Variants in PTPRD observed in about 807,000 individuals in gnomAD.
The protein encoded by PTPRD is protein tyrosine phosphatase receptor type D, also known as receptor-type tyrosine-protein phosphatase delta.
Under a neutral mutation model 214.5 loss-of-function variants are expected in PTPRD, and 34 were observed. The observed-to-expected ratio is 0.16, with a 90% CI of 0.12 to 0.21. The LOEUF is 0.21. PTPRD is among the 10% of genes least tolerant of loss of function. The pLI, the probability that PTPRD is intolerant of heterozygous loss-of-function variation, is 1.00. For missense variants in PTPRD, 2,545 were observed against 2,398.7 expected (o/e 1.06, Z -1.27); for synonymous variants, 1,128 against 845.7 (o/e 1.33, Z -5.79).
At chr9:10,029,675 T>A (rs188676217) in intron 4 of PTPRD, among the ~76,000 whole-genome samples, 4 of 152,204 alleles carry the variant, frequency 2.6e-5, no homozygotes, top group African/African-American at 9.6e-5. Context: ...ACCTAGGAAG[T>A]AACTAATTTG....
intron 3 of PTPRD, among the ~76,000 whole-genome samples, chr9:10,125,807 A>G (rs1002269751): frequency 2.0e-5 from 3 of 152,086 alleles, no homozygotes; most frequent in African/African-American, 7.2e-5. Flanking sequence ...TTTTAGTAAA[A>G]CTATAAGTTA....
intron 11 of PTPRD, among the ~76,000 whole-genome samples, chr9:8,867,042 T>A (rs2098210963): frequency 6.6e-6 from 1 of 152,184 alleles, no homozygotes; most frequent in African/African-American, 2.4e-5. Flanking sequence ...CTTTATTTAA[T>A]CACATCTTGC....
At chr9:9,348,343 T>G (rs541600183) in intron 9 of PTPRD, among the ~76,000 whole-genome samples, 1 of 152,260 alleles carries the variant, frequency 6.6e-6, no homozygotes, top group South Asian at 2.1e-4. Context: ...AACAAATGTC[T>G]TGGCTTTCCT....
At chr9:8,990,924 G>C (rs766916405) in intron 11 of PTPRD, among the ~76,000 whole-genome samples, 1 of 151,908 alleles carries the variant, frequency 6.6e-6, no homozygotes, top group Non-Finnish European at 1.5e-5. Flanking sequence ...GCATAAAAAC[G>C]GATTGATAGG....
chr9:9,596,610 A>T (rs1057328950), intron 7 of PTPRD, among the ~76,000 whole-genome samples: 4 of 152,002 alleles, frequency 2.6e-5, no homozygotes, highest in Non-Finnish European at 5.9e-5. Flanking sequence ...TCTCCTTTCA[A>T]ATGATACAGT....
In PTPRD at chr9:9,866,724, G is replaced by T. The variant is rs187862125; in HGVS notation, c.-368+71783C>A. On this transcript the variant is annotated intron_variant, in intron 5 of 45. Transcript: ENST00000381196. ...AGATAATTGTGAATACGCCCTTGTG[G>T]AAAACATCTTTTATATTTTATGACT... Among the ~76,000 whole-genome samples, 25 of 152,114 alleles carry T rather than the reference G, an allele frequency of 1.6e-4. No homozygotes were observed. In the East Asian group the frequency reaches 3.7e-3, roughly 22 times the overall value.
chr9:9,733,880 T>C lies in PTPRD; in HGVS notation c.-287+653A>G, dbSNP rs565641498. On this transcript the variant is annotated intron_variant, in intron 7 of 45. Coordinates refer to ENST00000381196, the MANE Select transcript of PTPRD (RefSeq NM_002839.4). ...GATAGTGAGCAATATTTCAATAATA[T>C]TTGAAGAAAAAAGACTGGGTGGATT... is the stretch of plus-strand genomic sequence containing the variant. Among the ~76,000 whole-genome samples, 565 of 151,856 alleles carry C rather than the reference T, an allele frequency of 3.7e-3. 1 individual carries two copies. Among genetic ancestry groups the C allele is most frequent in the Non-Finnish European group, 7.3e-3 (494 of 67,930 alleles).
chr9:10,177,499 C>T (rs1391419776), intron 3 of PTPRD, among the ~76,000 whole-genome samples: 2 of 147,678 alleles, frequency 1.4e-5, no homozygotes, highest in African/African-American at 5.0e-5. Flanking sequence ...TTGGAAAGAA[C>T]ACACTGGTGG....
intron 10 of PTPRD, among the ~76,000 whole-genome samples, chr9:9,150,587 A>T (rs1487583395): frequency 6.6e-6 from 1 of 151,478 alleles, no homozygotes; most frequent in Admixed American, 6.6e-5. Context: ...TTCTGGGTTC[A>T]AGTGATTCTC....
At chr9:9,170,425 G>T (rs530866884) in intron 10 of PTPRD, among the ~76,000 whole-genome samples, 1 of 152,172 alleles carries the variant, frequency 6.6e-6, no homozygotes, top group African/African-American at 2.4e-5. Context: ...GTCCTTAAAT[G>T]AATCTTTTGT....
chr9:9,601,862 G>A lies in PTPRD; in HGVS notation c.-286-27081C>T, dbSNP rs188011793. 5.8e-3 allele frequency among the ~76,000 whole-genome samples: 875 copies of A among 152,068 alleles called. 4 individuals are homozygous for A. Among genetic ancestry groups the A allele is most frequent in the Admixed American group, 0.012 (180 of 15,248 alleles). On this transcript the variant is annotated intron_variant, in intron 7 of 45. Transcript: ENST00000381196. ...GTGAGAAGTCTATGAAAAACAAATA[G>A]GGCTAAAGAGGATTTAAAGTCTTTG...
At chr9:10,207,626 T>C (rs1361074238) in intron 3 of PTPRD, among the ~76,000 whole-genome samples, 2 of 151,936 alleles carry the variant, frequency 1.3e-5, no homozygotes, top group Non-Finnish European at 2.9e-5. Flanking sequence ...AGAATGTATG[T>C]TTGTAGTTTT....
chr9:10,469,912 A>T (rs897708640), intron 2 of PTPRD, among the ~76,000 whole-genome samples: 3 of 151,902 alleles, frequency 2.0e-5, no homozygotes, highest in Non-Finnish European at 4.4e-5. Flanking sequence ...TTGAAAGACA[A>T]ATTTGCATGT....
At chr9:9,496,316 A>C (rs1224108772) in intron 8 of PTPRD, among the ~76,000 whole-genome samples, 1 of 152,188 alleles carries the variant, frequency 6.6e-6, no homozygotes, top group Non-Finnish European at 1.5e-5. Flanking sequence ...AAAATATATT[A>C]AAGTCAAATA....
chr9:10,070,864 G>A (rs1443413683), intron 3 of PTPRD, among the ~76,000 whole-genome samples: 1 of 151,730 alleles, frequency 6.6e-6, no homozygotes, highest in Admixed American at 6.6e-5. Flanking sequence ...TTATTTTGTA[G>A]ATTAAAAAAA....
intron 7 of PTPRD, among the ~76,000 whole-genome samples, chr9:9,590,286 C>T (rs1406703389): frequency 6.6e-6 from 1 of 151,972 alleles, no homozygotes; most frequent in Admixed American, 6.6e-5. Context: ...TCCTCACAGG[C>T]AGCAATCTTT....
At chr9:9,418,838 G>C (rs113851870) in intron 8 of PTPRD, among the ~76,000 whole-genome samples, 1 of 152,044 alleles carries the variant, frequency 6.6e-6, no homozygotes, top group Non-Finnish European at 1.5e-5. Flanking sequence ...AAGAGTACAA[G>C]AGAAGAAATG....
At chr9:8,475,323 T>G (rs2096741585) in intron 30 of PTPRD, among the ~76,000 whole-genome samples, 1 of 152,202 alleles carries the variant, frequency 6.6e-6, no homozygotes, top group Admixed American at 6.5e-5. Context: ...GAGCCCTTTC[T>G]CTGTGATATT....
At chr9:9,711,911 T>TG (rs1252506496) in intron 7 of PTPRD, among the ~76,000 whole-genome samples, 1 of 152,176 alleles carries the variant, frequency 6.6e-6, no homozygotes, top group Non-Finnish European at 1.5e-5. Context: ...TCTAACTATA[T>TG]GAAGGGTTGT....
Sources: allele counts gnomAD v4.1 joint callset (sites outside exome capture counted in the v4.1 genomes callset), GRCh38; gene constraint gnomAD v4.1.1; transcripts MANE v1.5; gene names NCBI Gene and HGNC (gene_info 2026-07-23, HGNC 2026-07-21).